ARAP2: variants seen among roughly 807,000 people sequenced by gnomAD.
ARAP2 encodes ArfGAP with RhoGAP domain, ankyrin repeat and PH domain 2.
A neutral mutation model predicts 194.5 loss-of-function variants in ARAP2; 148 were observed. That is an observed-to-expected ratio of 0.76 (90% confidence interval 0.67 to 0.87). The LOEUF (loss-of-function observed/expected upper bound fraction) is 0.87. Ranked by LOEUF, ARAP2 falls within the 40% of genes least tolerant of loss-of-function variation. The pLI, the probability that ARAP2 is intolerant of heterozygous loss-of-function variation, is 0.00. For missense variants in ARAP2, 2,128 were observed against 1,989.7 expected (o/e 1.07, Z -1.32); for synonymous variants, 695 against 683.5 (o/e 1.02, Z -0.26).
chr4:36,220,935 G>C (rs1749032041), intron 2 of ARAP2, among the ~76,000 whole-genome samples: 1 of 152,002 alleles, frequency 6.6e-6, no homozygotes. Context: ...TAAGTGTACA[G>C]GGTCTATAAC....
intron 6 of ARAP2, among the ~76,000 whole-genome samples, chr4:36,203,603 A>C (rs948433138): frequency 1.3e-5 from 2 of 151,538 alleles, no homozygotes; most frequent in Non-Finnish European, 2.9e-5. Context: ...AAACAAAACA[A>C]AACAAAAAAA....
At chr4:36,227,680 G>T (rs1053493299) in intron 2 of ARAP2, among the ~76,000 whole-genome samples, 1 of 152,128 alleles carries the variant, frequency 6.6e-6, no homozygotes, top group Non-Finnish European at 1.5e-5. Context: ...GCCTGTGCAG[G>T]ACGTGTGTAA....
chr4:36,122,723 A>T (rs1205854154), intron 22 of ARAP2, among the ~76,000 whole-genome samples: 1 of 151,766 alleles, frequency 6.6e-6, no homozygotes, highest in Non-Finnish European at 1.5e-5. Flanking sequence ...TTACCTGTGT[A>T]ACAAACCTAC....
intron 7 of ARAP2, among the ~76,000 whole-genome samples, chr4:36,191,472 T>C (rs1212827518): frequency 1.3e-5 from 2 of 150,996 alleles, no homozygotes; most frequent in Non-Finnish European, 2.9e-5. Flanking sequence ...CAAAATACTA[T>C]GTCACTAAAA....
intron 32 of ARAP2, 79 bp downstream of exon 32, chr4:36,073,605 GAAGTA>G: frequency 6.9e-7 from 1 of 1,441,854 alleles, no homozygotes; most frequent in Admixed American, 2.1e-5. Context: ...TGAAGCCAAT[GAAGTA>G]ATTAATGACC....
At chr4:36,078,969 T>C (rs1182510390) in intron 31 of ARAP2, among the ~76,000 whole-genome samples, 1 of 151,888 alleles carries the variant, frequency 6.6e-6, no homozygotes, top group African/African-American at 2.4e-5. Context: ...ACGTCAGAAG[T>C]TCGAGACCAA....
intron 10 of ARAP2, among the ~76,000 whole-genome samples, chr4:36,166,174 A>G (rs1462977968): frequency 1.3e-5 from 2 of 152,134 alleles, no homozygotes; most frequent in African/African-American, 4.8e-5. Context: ...AATTGACAGT[A>G]TATTTGAAAT....
At chr4:36,213,146 C>A (rs575043745) in intron 4 of ARAP2, 97 bp downstream of exon 4, 1 of 940,054 alleles carries the variant, frequency 1.1e-6, no homozygotes, top group Non-Finnish European at 1.7e-6. Flanking sequence ...CAATATAATG[C>A]CATTCTTCAA....
rs778125188 is a variant in ARAP2, at chr4:36,187,522, C to T, written c.1607G>A (p.Arg536Gln). 5 of 1,562,094 alleles carry T rather than the reference C, an allele frequency of 3.2e-6. No homozygotes were observed. Among genetic ancestry groups the T allele is most frequent in the Admixed American group, 1.9e-5 (1 of 51,562 alleles). The change falls in exon 8 of 33, where the codon CGA becomes CAA. Residue 536 changes from arginine (R) to glutamine (Q), a missense_variant. Transcript: ENST00000303965. ...IIPLSAISTV[R>Q]VQGDNKFEVV... ...TTCAAATTTGTTGTCTCCTTGAACT[C>T]GTACTGTTGATATAGCAGAAAGGGG...
rs756088038 is a variant in ARAP2, at chr4:36,160,543, T to C, written c.2358A>G (p.Arg786=). 1.0e-5 allele frequency: 16 copies of C among 1,574,588 alleles called. No homozygotes were observed. The South Asian group carries it at 1.9e-4, about 19-fold the overall frequency. Residue 786 remains arginine, a synonymous_variant, in exon 13 of 33, where the codon AGA becomes AGG. Coordinates refer to ENST00000303965, the MANE Select transcript of ARAP2 (RefSeq NM_015230.4). ...TATATTTCTGAGTAATAAAGTTTTT[T>C]CTCTTTTCTACTGGTGAGTCCATAT... is the stretch of plus-strand genomic sequence containing the variant. ...ELHMDSPVEK[R]KNFITQKYKE... is the part of the protein sequence containing the mutation.
chr4:36,163,057 C>G (rs1420508804), intron 11 of ARAP2, among the ~76,000 whole-genome samples: 1 of 152,108 alleles, frequency 6.6e-6, no homozygotes, highest in Non-Finnish European at 1.5e-5. Flanking sequence ...TTTGGCAAAT[C>G]TAAGTAGAGA....
intron 1 of ARAP2, among the ~76,000 whole-genome samples, chr4:36,230,194 C>T (rs1269256840): frequency 1.3e-5 from 2 of 152,172 alleles, no homozygotes; most frequent in Non-Finnish European, 2.9e-5. Flanking sequence ...AAGTCAAGCA[C>T]AGGAATTAAA....
chr4:36,064,788 T>C (rs940141877), downstream of ARAP2, among the ~76,000 whole-genome samples: 3 of 152,008 alleles, frequency 2.0e-5, no homozygotes, highest in African/African-American at 7.3e-5. Flanking sequence ...TTTCACAGGC[T>C]CCCCACCTCT....
intron 15 of ARAP2, among the ~76,000 whole-genome samples, chr4:36,152,584 A>G (rs1429659892): frequency 6.6e-6 from 1 of 152,100 alleles, no homozygotes; most frequent in South Asian, 2.1e-4. Context: ...ATGAAAGGGG[A>G]GATGTGTCCA....
At chr4:36,098,754 C>G (rs1253296409) in intron 27 of ARAP2, among the ~76,000 whole-genome samples, 6 of 151,936 alleles carry the variant, frequency 3.9e-5, no homozygotes, top group Admixed American at 3.9e-4. Flanking sequence ...TACTTCTGGA[C>G]CTAACTCATC....
At chr4:36,031,584 C>T (rs1417142132) in intron 5 of ARAP2, among the ~76,000 whole-genome samples, 2 of 151,964 alleles carry the variant, frequency 1.3e-5, no homozygotes, top group Non-Finnish European at 2.9e-5. Flanking sequence ...AATTGGATCT[C>T]ATATGTGGTA....
chr4:36,102,760 T>C (rs778933107), intron 27 of ARAP2, among the ~76,000 whole-genome samples: 4 of 151,932 alleles, frequency 2.6e-5, no homozygotes, highest in Non-Finnish European at 5.9e-5. Context: ...ATAGACAATG[T>C]TTAACAAAAC....
At chr4:36,056,107 T>C (rs1210665136) in intron 2 of ARAP2, among the ~76,000 whole-genome samples, 1 of 152,220 alleles carries the variant, frequency 6.6e-6, no homozygotes, top group East Asian at 1.9e-4. Context: ...TGTACTCAAG[T>C]ATATTGGCTA....
intron 2 of ARAP2, among the ~76,000 whole-genome samples, chr4:36,226,155 G>GA (rs147081588): frequency 0.054 from 7,836 of 145,060 alleles, 673 homozygotes; most frequent in African/African-American, 0.18. Flanking sequence ...AAAATCACAT[G>GA]AAAAAAAAAA....
Sources: gnomAD v4.1 joint callset for allele counts (sites outside exome capture counted in the v4.1 genomes callset) on GRCh38, gnomAD v4.1.1 for gene constraint, MANE v1.5 for transcripts, NCBI Gene and HGNC (gene_info 2026-07-23, HGNC 2026-07-21) for gene names.